ANKRD28: variants seen among roughly 807,000 people sequenced by gnomAD.
The protein encoded by ANKRD28 is serine/threonine-protein phosphatase 6 regulatory ankyrin repeat subunit A.
In ANKRD28, 44 loss-of-function variants were observed where a neutral mutation model predicts 126.5. That is an observed-to-expected ratio of 0.35 (90% CI 0.27 to 0.45). The LOEUF is 0.45. Among genes scored for constraint, ANKRD28 ranks in the 20% least tolerant of loss-of-function variants. ANKRD28 has a pLI of 1.00. For synonymous variants in ANKRD28, 442 were observed against 468.5 expected (o/e 0.94, Z 0.73); for missense variants, 1,110 against 1,316.6 (o/e 0.84, Z 2.43).
At chr3:15,828,961 A>G (rs2061130046) in intron 1 of ANKRD28, among the ~76,000 whole-genome samples, 1 of 152,184 alleles carries the variant, frequency 6.6e-6, no homozygotes, top group African/African-American at 2.4e-5. Context: ...AGGAATTTAA[A>G]TCTCCTAGCC....
chr3:15,844,213 G>C (rs1346043842), intron 1 of ANKRD28, among the ~76,000 whole-genome samples: 1 of 152,042 alleles, frequency 6.6e-6, no homozygotes, highest in African/African-American at 2.4e-5. Flanking sequence ...AAAGTAGACT[G>C]GTCACCCAAA....
At chr3:15,836,812 C>A (rs367681888) in intron 1 of ANKRD28, among the ~76,000 whole-genome samples, 2 of 152,226 alleles carry the variant, frequency 1.3e-5, no homozygotes, top group East Asian at 3.9e-4. Flanking sequence ...CGTGGTGGCT[C>A]ACGCCTGTAA....
chr3:15,851,487 T>C (rs1046026274), intron 1 of ANKRD28, among the ~76,000 whole-genome samples: 3 of 152,004 alleles, frequency 2.0e-5, no homozygotes, highest in Admixed American at 6.6e-5. Context: ...GAAGCTGCAG[T>C]GAGCCGTGAT....
Position 15,708,041 on chromosome 3 carries a change from G to A in ANKRD28, c.1430C>T (p.Ala477Val). 1.2e-6 allele frequency: 2 copies of A among 1,608,200 alleles called. No individual in the cohort carries two copies. Among genetic ancestry groups the A allele is most frequent in the Non-Finnish European group, 1.7e-6 (2 of 1,177,364 alleles). ...AAACAGGCACTGGTAATTGCAGTTGGCAGCAGCGTAGTGCAGTGGAGATCT... is the reference window on the plus strand; with the variant it reads ...AAACAGGCACTGGTAATTGCAGTTGACAGCAGCGTAGTGCAGTGGAGATCT... ...FGRSPLHYAAANCNYQCLFAL... is the reference protein window; with the variant it reads ...FGRSPLHYAAVNCNYQCLFAL... Residue 477 changes from alanine (A) to valine (V), a missense_variant, in exon 14 of 28, where the codon GCC becomes GTC. Physicochemically the swap from Ala to Val is moderately conservative, Grantham distance 64. Transcript: ENST00000683139.
chr3:15,771,914 C>G (rs1370022243), intron 2 of ANKRD28, among the ~76,000 whole-genome samples: 1 of 151,984 alleles, frequency 6.6e-6, no homozygotes, highest in African/African-American at 2.4e-5. Context: ...TGAAAATTGC[C>G]AAGTATTTGG....
At position 15,843,883 on chromosome 3, in the gene ANKRD28, GA is replaced by G. The variant is rs1210239793; in HGVS notation, c.27+15493del. Among the ~76,000 whole-genome samples, 7 of 152,132 alleles carry G rather than the reference GA, an allele frequency of 4.6e-5. No homozygotes were observed. The highest frequency in any genetic ancestry group is 4.6e-4 in the Admixed American group (7 of 15,272). ...GTTGCAAGAGGCAGAAGATGGAGATGAAAAGGAGAAGACTGAAAGCGTGTGT... is the reference window on the plus strand; with the variant it reads ...GTTGCAAGAGGCAGAAGATGGAGATGAAAGGAGAAGACTGAAAGCGTGTGT... On this transcript the variant is annotated intron_variant, in intron 1 of 27. Transcript: ENST00000399451. The surrounding 1 kb of genome is among the most constrained non-coding windows in gnomAD (Gnocchi z 5.2).
chr3:15,680,753 C>T (rs2067455648), intron 21 of ANKRD28, among the ~76,000 whole-genome samples: 1 of 151,130 alleles, frequency 6.6e-6, no homozygotes, highest in Non-Finnish European at 1.5e-5. Context: ...GCAGTCTCAA[C>T]CTCCTGGGCT....
rs1422679211 is a variant in ANKRD28 at position 15,805,039 on chromosome 3, CAG to C, written c.28-9735_28-9734del. Among the ~76,000 whole-genome samples the C allele has an allele frequency of 4.1e-5, 6 of 145,486 alleles. 1 individual carries two copies. The highest frequency in any genetic ancestry group is 1.5e-4 in the African/African-American group (6 of 38,900). On this transcript the variant is annotated intron_variant, in intron 1 of 27. Coordinates refer to the ANKRD28 transcript ENST00000399451. ...CTTACGTAGCAGGTACTTACGAAAA[CAG>C]AGTTTCACTGACTTTTCCAAGTAAG... is the stretch of plus-strand genomic sequence containing the variant.
At chr3:15,831,070 G>C (rs1335937527) in intron 1 of ANKRD28, among the ~76,000 whole-genome samples, 1 of 152,158 alleles carries the variant, frequency 6.6e-6, no homozygotes, top group Non-Finnish European at 1.5e-5. Flanking sequence ...CTGGACCTCT[G>C]TCCTATGCAC....
intron 14 of ANKRD28, among the ~76,000 whole-genome samples, chr3:15,706,107 T>G (rs186152907): frequency 6.6e-6 from 1 of 152,246 alleles, no homozygotes; most frequent in East Asian, 1.9e-4. Context: ...TTTTTTATTG[T>G]TATACTTTGT....
At chr3:15,759,078 C>T (rs975663081) in intron 3 of ANKRD28, among the ~76,000 whole-genome samples, 3 of 152,112 alleles carry the variant, frequency 2.0e-5, no homozygotes, top group Non-Finnish European at 4.4e-5. Context: ...AGCAAATAGT[C>T]TTTAAAAGTT....
chr3:15,741,737 T>A (rs957135181), intron 4 of ANKRD28, among the ~76,000 whole-genome samples: 2 of 104,916 alleles, frequency 1.9e-5, no homozygotes, highest in African/African-American at 3.6e-5. Flanking sequence ...TTTTTTTTTT[T>A]AGCAATTCTT....
intron 6 of ANKRD28, among the ~76,000 whole-genome samples, chr3:15,728,856 A>G (rs2125048424): frequency 6.6e-6 from 1 of 152,314 alleles, no homozygotes; most frequent in African/African-American, 2.4e-5. Flanking sequence ...TGTAACCATG[A>G]GGAAAGGGTT....
intron 1 of ANKRD28, among the ~76,000 whole-genome samples, chr3:15,836,493 T>C (rs757754542): frequency 1.2e-4 from 19 of 152,162 alleles, no homozygotes; most frequent in Middle Eastern, 3.4e-3. Context: ...AAAAGTAATA[T>C]TAAATATAAA....
At chr3:15,724,674 G>T in intron 6 of ANKRD28, 150 bp from the exon 7 acceptor site, 2 of 776,450 alleles carry the variant, frequency 2.6e-6, no homozygotes, top group African/African-American at 1.8e-5. Context: ...AGAGAGGACA[G>T]AAGGAAAATT....
chr3:15,706,619 T>C (rs976740088), intron 14 of ANKRD28, among the ~76,000 whole-genome samples: 1 of 152,174 alleles, frequency 6.6e-6, no homozygotes, highest in Non-Finnish European at 1.5e-5. Flanking sequence ...ATGGGATGGC[T>C]GGGTCAAATG....
intron 14 of ANKRD28, 83 bp from the exon 15 acceptor site, chr3:15,696,328 G>T (rs2069547257): frequency 1.1e-6 from 1 of 889,438 alleles, no homozygotes; most frequent in South Asian, 1.8e-5. Flanking sequence ...ATTAAAAACT[G>T]ACAATTTTTC....
chr3:15,795,304 T>C lies in ANKRD28; in HGVS notation c.120A>G (p.Pro40=), dbSNP rs1279060412. 4.4e-6 allele frequency: 7 copies of C among 1,603,302 alleles called. No homozygotes were observed. The highest frequency in any genetic ancestry group is 2.2e-5 in the South Asian group (2 of 90,828). Residue 40 remains proline (P), a splice_region_variant and synonymous_variant, in exon 2 of 28, where the codon CCA becomes CCG. Transcript: ENST00000683139. ...CGTTAAATATAGCTTGCACCAGTGA[T>C]GGCTAAAATAGAAGAGAGTAATAAA... ...LHSPPSGNVL[P]SLVQAIFNGD...
intron 5 of ANKRD28, among the ~76,000 whole-genome samples, chr3:15,735,849 T>C (rs1252142673): frequency 6.6e-6 from 1 of 152,212 alleles, no homozygotes; most frequent in Non-Finnish European, 1.5e-5. Context: ...ATTCTCATTC[T>C]AGAAATGTCT....
Sources: gnomAD v4.1 joint callset for allele counts (sites outside exome capture counted in the v4.1 genomes callset) on GRCh38, gnomAD v4.1.1 for gene constraint, Gnocchi (gnomAD v3.1) non-coding constraint, MANE v1.5 for transcripts, NCBI Gene and HGNC (gene_info 2026-07-23, HGNC 2026-07-21) for gene names.